KATNIP: variants seen among roughly 807,000 people sequenced by gnomAD.
The protein encoded by KATNIP is katanin interacting protein.
KATNIP carries 126 observed loss-of-function variants against 174.0 expected under a neutral mutation model. The ratio of observed to expected loss-of-function variants is 0.72; its 90% CI spans 0.63 to 0.84. KATNIP has a LOEUF of 0.84. Ranked by LOEUF, KATNIP falls within the 40% of genes least tolerant of loss-of-function variation. KATNIP has a pLI of 0.00. For synonymous variants in KATNIP, 810 were observed against 835.7 expected, an observed-to-expected ratio of 0.97 and a Z score of 0.53; for missense variants, 1,958 against 2,109.7, an observed-to-expected ratio of 0.93 and a Z score of 1.41.
chr16:27,619,763 C>T (rs915634282), intron 3 of KATNIP, among the ~76,000 whole-genome samples: 7 of 152,142 alleles, frequency 4.6e-5, no homozygotes, highest in Non-Finnish European at 8.8e-5. Context: ...TAGAGATCTT[C>T]GGAACAGACA....
In KATNIP at chr16:27,776,477, A is replaced by C. The variant is rs369912110; in HGVS notation, c.4450-451A>C. 3.7e-4 allele frequency among the ~76,000 whole-genome samples: 56 copies of C among 152,272 alleles called. No homozygotes were observed. Among genetic ancestry groups the C allele is most frequent in the African/African-American group, 1.3e-3 (56 of 41,556 alleles). ...AGACACGCCCTGGACATTGTCCAGC[A>C]GCACCTTGGCGTTGCTTCTCAGTGA... On this transcript the variant is annotated intron_variant, in intron 24 of 27. Transcript: ENST00000261588. The surrounding 1 kb of genome is among the most constrained non-coding windows in gnomAD (Gnocchi z 4.7).
At chr16:27,636,198 AG>A (rs1435069322) in intron 5 of KATNIP, among the ~76,000 whole-genome samples, 2 of 152,114 alleles carry the variant, frequency 1.3e-5, no homozygotes, top group Non-Finnish European at 2.9e-5. Context: ...AAAATGGAAA[AG>A]TCTGGCCCCC....
intron 2 of KATNIP, among the ~76,000 whole-genome samples, chr16:27,588,646 C>T (rs908406306): frequency 1.3e-5 from 2 of 151,832 alleles, no homozygotes; most frequent in East Asian, 1.9e-4. Context: ...TTTAATGCAT[C>T]AGTAGTTTGT....
At position 27,776,835 on chromosome 16, in the gene KATNIP, C is replaced by A; in HGVS notation, c.4450-93C>A. On this transcript the variant is annotated intron_variant, in intron 24 of 27. Coordinates refer to ENST00000261588, the MANE Select transcript of KATNIP (RefSeq NM_015202.5). This position sits in a 1 kb window ranked among gnomAD's most constrained non-coding sequence, Gnocchi z 4.7. ...GTGGCAGGCGCTGCCTTGGGCACCA[C>A]CGCTCACCCCAGCCCACGCCTGGCA... 1 of 877,200 alleles carries A rather than the reference C, an allele frequency of 1.1e-6. No homozygotes were observed. Among genetic ancestry groups the A allele is most frequent in the Non-Finnish European group, 1.9e-6 (1 of 528,736 alleles). The allele number at this position is 877,200 out of a possible 1,614,324, so 54.3% of individuals were successfully genotyped here.
chr16:27,753,142 C>A (rs567702950), intron 17 of KATNIP, among the ~76,000 whole-genome samples: 2 of 152,234 alleles, frequency 1.3e-5, no homozygotes, highest in East Asian at 3.9e-4. Context: ...GCCCCTCCCC[C>A]TCCCCACATC....
chr16:27,556,205 AC>A (rs1180572461), intron 1 of KATNIP, among the ~76,000 whole-genome samples: 1 of 152,104 alleles, frequency 6.6e-6, no homozygotes, highest in African/African-American at 2.4e-5. Flanking sequence ...CACACAGTTG[AC>A]AGAAGAGGGA....
chr16:27,689,953 G>A (rs1451415921), intron 8 of KATNIP, among the ~76,000 whole-genome samples: 2 of 152,054 alleles, frequency 1.3e-5, no homozygotes, highest in Non-Finnish European at 2.9e-5. Flanking sequence ...CCCATGCCTG[G>A]GTGCTTTTTA....
chr16:27,627,619 G>A (rs747330685), intron 3 of KATNIP, among the ~76,000 whole-genome samples: 11 of 152,178 alleles, frequency 7.2e-5, no homozygotes, highest in Non-Finnish European at 1.3e-4. Context: ...TTTCTAGACC[G>A]CTCGTACTGC....
chr16:27,613,768 C>T (rs1291628610), intron 2 of KATNIP, among the ~76,000 whole-genome samples: 1 of 152,202 alleles, frequency 6.6e-6, no homozygotes, highest in East Asian at 1.9e-4. Flanking sequence ...CCCAGACCCA[C>T]TCTCCTGAAA....
In KATNIP at chr16:27,708,789, T is replaced by C. The variant is rs1182336297; in HGVS notation, c.1474T>C (p.Trp492Arg). ...CCTGTCCAACTGGGGCAACTCGTGG[T>C]GGGTGGGTCTCACAGAAGTCGAGTT... is the stretch of plus-strand genomic sequence containing the variant. ...EILSNWGNSW[W>R]VGLTEVEFFD... Residue 492 changes from tryptophan (W) to arginine (R), a missense_variant, in exon 13 of 28, where the codon TGG becomes CGG. By Grantham distance (101) the Trp-to-Arg change is moderately radical (BLOSUM62 -3). Transcript: ENST00000261588. 4 of 1,613,670 alleles carry C rather than the reference T, an allele frequency of 2.5e-6. No homozygotes were observed. In the African/African-American group the frequency reaches 4.0e-5, roughly 16 times the overall value.
At chr16:27,741,078 G>C (rs1194907261) in intron 15 of KATNIP, among the ~76,000 whole-genome samples, 158 bp downstream of exon 15, 1 of 152,216 alleles carries the variant, frequency 6.6e-6, no homozygotes. Context: ...GGGCCAAAGA[G>C]ATGCATACAT....
chr16:27,670,328 A>C (rs1177440879), intron 6 of KATNIP, among the ~76,000 whole-genome samples: 1 of 152,270 alleles, frequency 6.6e-6, no homozygotes, highest in Non-Finnish European at 1.5e-5. Context: ...CCTAATGTGC[A>C]TAAATGCCTA....
intron 20 of KATNIP, among the ~76,000 whole-genome samples, chr16:27,767,040 C>T (rs1053314642): frequency 2.0e-5 from 3 of 152,062 alleles, no homozygotes; most frequent in East Asian, 1.9e-4. Context: ...GACTCAGCCT[C>T]GGTGGGAATG....
chr16:27,664,039 T>G (rs1407732207), intron 6 of KATNIP, among the ~76,000 whole-genome samples: 1 of 152,174 alleles, frequency 6.6e-6, no homozygotes, highest in African/African-American at 2.4e-5. Flanking sequence ...CTTGAACTCC[T>G]GGCCTTGAGC....
chr16:27,678,110 C>A, intron 7 of KATNIP, 114 bp downstream of exon 7: 1 of 1,194,716 alleles, frequency 8.4e-7, no homozygotes, highest in South Asian at 1.5e-5. Context: ...GTCTCACAGG[C>A]CAGGGAGGTA....
Position 27,777,473 on chromosome 16 carries a change from C to A in KATNIP, c.4552-137C>A. On this transcript the variant is annotated intron_variant, in intron 25 of 27. Transcript: ENST00000261588. This position sits in a 1 kb window ranked among gnomAD's most constrained non-coding sequence, Gnocchi z 4.4. The stretch of plus-strand genomic sequence containing the variant: ...ATCTGAAATCACAAGGCAGACACAG[C>A]ACACAGTAGGCGCTTGTTCCTGACA... The A allele has an allele frequency of 1.4e-6, 1 of 734,894 alleles. No individual in the cohort carries two copies. The highest frequency in any genetic ancestry group is 2.2e-6 in the Non-Finnish European group (1 of 461,882). The allele number at this position is 734,894 out of a possible 1,614,324, so 45.5% of individuals were successfully genotyped here.
At chr16:27,679,178 C>T (rs771552953) in intron 7 of KATNIP, 1 of 152,200 alleles carries the variant, frequency 6.6e-6, no homozygotes, top group Non-Finnish European at 1.5e-5. Flanking sequence ...GCTTAAACAG[C>T]AGGAATTTAC....
chr16:27,681,171 C>G, intron 7 of KATNIP: 1 of 516,084 alleles, frequency 1.9e-6, no homozygotes, highest in South Asian at 2.1e-5. Flanking sequence ...CTGTGCATGT[C>G]CTAGAATCTT....
rs975048466 is a variant in KATNIP at position 27,749,914 on chromosome 16, G to C, written c.2954G>C (p.Trp985Ser). ...QRLVIDIKST[W>S]GDRHYVGLNG... ...TTGGTCATTGACATCAAGTCTACCT[G>C]GGGGGACAGACACTATGTCGGCCTC... Residue 985 changes from tryptophan (W) to serine (S), a missense_variant, in exon 16 of 28, where the codon TGG becomes TCG. Physicochemically the swap from Trp to Ser is radical, Grantham distance 177 (BLOSUM62 -3). Around this residue, in one of 3 missense-constraint regions of KATNIP, gnomAD observed 1,557 missense variants for 1,617.8 expected, o/e 0.96. Transcript: ENST00000261588. 6.2e-6 allele frequency: 10 copies of C among 1,614,114 alleles called. No homozygotes were observed. The highest frequency in any genetic ancestry group is 8.5e-6 in the Non-Finnish European group (10 of 1,179,984).
Sources: allele counts gnomAD v4.1 joint callset (sites outside exome capture counted in the v4.1 genomes callset), GRCh38; gene constraint gnomAD v4.1.1; regional missense constraint gnomAD v4.1.1; non-coding constraint Gnocchi (gnomAD v3.1); transcripts MANE v1.5; gene names NCBI Gene and HGNC (gene_info 2026-07-23, HGNC 2026-07-21).